CPEB3: variants seen among roughly 807,000 people sequenced by gnomAD.
CPEB3 encodes the protein cytoplasmic polyadenylation element binding protein 3, also known as cytoplasmic polyadenylation element-binding protein 3.
A neutral mutation model predicts 67.2 loss-of-function variants in CPEB3; 20 were observed. The ratio of observed to expected loss-of-function variants is 0.30; its 90% CI spans 0.21 to 0.43. The LOEUF is 0.43. Among genes scored for constraint, CPEB3 ranks in the 20% least tolerant of loss-of-function variants. The pLI is 1.00. For synonymous variants in CPEB3, 376 were observed against 393.1 expected, an observed-to-expected ratio of 0.96 and a Z score of 0.51; for missense variants, 746 against 968.6, an observed-to-expected ratio of 0.77 and a Z score of 3.05.
At chr10:92,232,469 T>C (rs1055913656) in intron 2 of CPEB3, among the ~76,000 whole-genome samples, 5 of 151,598 alleles carry the variant, frequency 3.3e-5, no homozygotes, top group Non-Finnish European at 7.4e-5. Context: ...TTGAAATACA[T>C]CAAATTGGGC....
chr10:92,084,778 A>C (rs1271074441), intron 8 of CPEB3, among the ~76,000 whole-genome samples: 10 of 151,988 alleles, frequency 6.6e-5, no homozygotes, highest in Non-Finnish European at 1.5e-4. Context: ...ACTGGGTTTC[A>C]CCGTGTTAGT....
chr10:92,157,201 G>GT (rs1847249173), intron 4 of CPEB3, among the ~76,000 whole-genome samples: 2 of 152,216 alleles, frequency 1.3e-5, no homozygotes, highest in South Asian at 2.1e-4. Flanking sequence ...TCACTTCCCT[G>GT]TTTTTTTAAC....
chr10:92,286,975 T>C (rs1379588933), intron 1 of CPEB3, among the ~76,000 whole-genome samples: 2 of 152,234 alleles, frequency 1.3e-5, no homozygotes, highest in Non-Finnish European at 1.5e-5. Context: ...TTTAGAACTC[T>C]ACATCATCAA....
intron 6 of CPEB3, among the ~76,000 whole-genome samples, chr10:92,120,468 C>G (rs1052479909): frequency 6.6e-6 from 1 of 151,894 alleles, no homozygotes; most frequent in African/African-American, 2.4e-5. Flanking sequence ...CCTATAGTCC[C>G]AGCTACTTGG....
At chr10:92,191,091 A>G (rs1041524813) in intron 3 of CPEB3, among the ~76,000 whole-genome samples, 2 of 152,148 alleles carry the variant, frequency 1.3e-5, no homozygotes, top group Admixed American at 6.6e-5. Context: ...TTTAAAGTCA[A>G]AAACTTTTTT....
chr10:92,176,068 G>A (rs553929455), intron 4 of CPEB3, among the ~76,000 whole-genome samples: 18 of 151,744 alleles, frequency 1.2e-4, no homozygotes, highest in Non-Finnish European at 2.2e-4. Flanking sequence ...TCCAGCCTAG[G>A]CAACAGAGTG....
intron 4 of CPEB3, among the ~76,000 whole-genome samples, chr10:92,171,879 T>C (rs908003348): frequency 2.0e-5 from 3 of 152,206 alleles, no homozygotes; most frequent in African/African-American, 7.2e-5. Context: ...CCTCCCAAAG[T>C]GCTGGGAAGT....
intron 6 of CPEB3, among the ~76,000 whole-genome samples, chr10:92,125,317 C>T (rs1845561529): frequency 6.6e-6 from 1 of 152,216 alleles, no homozygotes; most frequent in African/African-American, 2.4e-5. Context: ...ATTCCACTGC[C>T]AGCATCATTG....
chr10:92,057,121 C>T, intron 9 of CPEB3, among the ~76,000 whole-genome samples: 1 of 152,166 alleles, frequency 6.6e-6, no homozygotes, highest in East Asian at 1.9e-4. Context: ...CTTCAGGTAC[C>T]AGTACGGCCA....
At chr10:92,076,838 A>AGAGGAGGAGGAG (rs1564758660) in intron 9 of CPEB3, among the ~76,000 whole-genome samples, 1 of 72,898 alleles carries the variant, frequency 1.4e-5, no homozygotes, top group Non-Finnish European at 4.0e-5. Context: ...GGAGGAGGAA[A>AGAGGAGGAGGAG]GAAAGAGAGA....
chr10:92,176,149 AG>A lies in CPEB3; in HGVS notation c.1222+4813del, dbSNP rs1260927404. Among the ~76,000 whole-genome samples the A allele has an allele frequency of 5.9e-5, 9 of 152,358 alleles. No individual in the cohort carries two copies. In the East Asian group the frequency reaches 1.7e-3, roughly 29 times the overall value. ...CAGGTGTGCTGTCTTAAATTCTATC[AG>A]GAAAGCATCTACCTAAATGTAAACA... On this transcript the variant is annotated intron_variant, in intron 4 of 9. Coordinates refer to ENST00000265997, the MANE Select transcript of CPEB3 (RefSeq NM_014912.5).
chr10:92,184,457 T>C (rs1410847267), intron 3 of CPEB3, among the ~76,000 whole-genome samples: 2 of 151,964 alleles, frequency 1.3e-5, no homozygotes, highest in Non-Finnish European at 2.9e-5. Context: ...ACAAAAAAAT[T>C]AGCTGGGTGT....
At chr10:92,151,874 C>T (rs1446266154) in intron 4 of CPEB3, among the ~76,000 whole-genome samples, 2 of 152,198 alleles carry the variant, frequency 1.3e-5, no homozygotes, top group Non-Finnish European at 1.5e-5. Context: ...TTCTCTCCAA[C>T]TCCACTGCCA....
intron 4 of CPEB3, among the ~76,000 whole-genome samples, chr10:92,147,341 A>G (rs938909040): frequency 6.6e-5 from 10 of 152,110 alleles, no homozygotes; most frequent in Non-Finnish European, 8.8e-5. Flanking sequence ...CTGTAGTTCC[A>G]GCTACTGGGG....
At chr10:92,065,952 C>T (rs1268941895) in intron 9 of CPEB3, among the ~76,000 whole-genome samples, 1 of 151,982 alleles carries the variant, frequency 6.6e-6, no homozygotes, top group African/African-American at 2.4e-5. Flanking sequence ...AAAAAATTGG[C>T]CAGGCGTGGT....
intron 7 of CPEB3, among the ~76,000 whole-genome samples, chr10:92,100,758 A>AT (rs1316390733): frequency 6.6e-6 from 1 of 151,548 alleles, no homozygotes; most frequent in East Asian, 2.0e-4. Flanking sequence ...CGCCCAGCTA[A>AT]TTTTTTGTAT....
intron 4 of CPEB3, among the ~76,000 whole-genome samples, chr10:92,177,839 A>T (rs564877854): frequency 1.3e-5 from 2 of 152,208 alleles, no homozygotes; most frequent in African/African-American, 4.8e-5. Flanking sequence ...AACTGAGGCC[A>T]TATCTTTAGG....
intron 2 of CPEB3, among the ~76,000 whole-genome samples, chr10:92,196,427 C>T (rs942798288): frequency 6.6e-6 from 1 of 152,166 alleles, no homozygotes; most frequent in Non-Finnish European, 1.5e-5. Flanking sequence ...CACTTACTGG[C>T]ATGTCACTTT....
chr10:92,102,923 T>C (rs1280755479), intron 7 of CPEB3, among the ~76,000 whole-genome samples: 1 of 152,214 alleles, frequency 6.6e-6, no homozygotes, highest in Non-Finnish European at 1.5e-5. Flanking sequence ...TCTATTGGAC[T>C]CTAAGATCCT....
Sources: gnomAD v4.1 joint callset for allele counts (sites outside exome capture counted in the v4.1 genomes callset) on GRCh38, gnomAD v4.1.1 for gene constraint, MANE v1.5 for transcripts, NCBI Gene and HGNC (gene_info 2026-07-23, HGNC 2026-07-21) for gene names.